KLRG1: variants seen among roughly 807,000 people sequenced by gnomAD.
The protein encoded by KLRG1 is killer cell lectin-like receptor subfamily G member 1.
In KLRG1, 16 loss-of-function variants were observed where a neutral mutation model predicts 21.8. That is an observed-to-expected ratio of 0.73 (90% CI 0.50 to 1.11). The LOEUF is 1.11. Ranked by LOEUF, KLRG1 falls within the 50% of genes most tolerant of loss-of-function variation. KLRG1 has a pLI of 0.00. For missense variants in KLRG1, 173 were observed against 218.3 expected (o/e 0.79, Z 1.31); for synonymous variants, 69 against 75.9 (o/e 0.91, Z 0.47).
At chr12:9,093,634 GAGA>G in the KLRG1 span, 1 of 982,078 alleles carries the variant, frequency 1.0e-6, no homozygotes, top group Non-Finnish European at 1.4e-6. Flanking sequence ...AAGCTTATGA[GAGA>G]ATGTAATAGT....
chr12:8,954,822 G>T (rs764705884), intron 1 of KLRG1, among the ~76,000 whole-genome samples: 2 of 152,298 alleles, frequency 1.3e-5, no homozygotes, highest in South Asian at 4.1e-4. Flanking sequence ...CATACGATGT[G>T]TGAAGCAAGC....
At chr12:9,196,933 G>T in the KLRG1 span, 1 of 1,117,088 alleles carries the variant, frequency 9.0e-7, no homozygotes, top group Non-Finnish European at 1.3e-6. Flanking sequence ...TTGTCCTGAT[G>T]CCCTCTTTCT....
At chr12:9,149,534 T>C in the KLRG1 span, 4,905 of 1,603,300 alleles carry the variant, frequency 3.1e-3, 10 homozygotes, top group Non-Finnish European at 3.7e-3. Flanking sequence ...TGCCATCTAG[T>C]ACTGGTCATA....
the KLRG1 span, chr12:9,153,477 T>C: frequency 1.6e-6 from 1 of 624,688 alleles, no homozygotes; most frequent in Non-Finnish European, 2.8e-6. Flanking sequence ...CTAATTACCT[T>C]TCCTTTTTCT....
the KLRG1 span, chr12:9,095,458 G>A: frequency 1.5e-6 from 2 of 1,347,776 alleles, no homozygotes; most frequent in Non-Finnish European, 2.1e-6. Context: ...AGGACATGAA[G>A]GCATTCAAAT....
chr12:8,979,628 A>G (rs990899961), intron 1 of KLRG1, among the ~76,000 whole-genome samples: 6 of 152,214 alleles, frequency 3.9e-5, no homozygotes, highest in African/African-American at 1.2e-4. Context: ...ATAGTTTTCA[A>G]TTATTACTTT....
the KLRG1 span, among the ~76,000 whole-genome samples, chr12:9,124,297 C>T: frequency 6.6e-6 from 1 of 151,920 alleles, no homozygotes; most frequent in African/African-American, 2.4e-5. Flanking sequence ...GAGCTCCGTC[C>T]CTTCTGAGTT....
the KLRG1 span, chr12:9,194,301 G>A: frequency 1.4e-6 from 2 of 1,480,678 alleles, no homozygotes; most frequent in East Asian, 2.3e-5. Context: ...GAACTCATGT[G>A]AACAAATGCT....
At chr12:9,112,083 C>G in the KLRG1 span, 62 of 1,399,342 alleles carry the variant, frequency 4.4e-5, no homozygotes, top group Non-Finnish European at 5.9e-5. Context: ...TCTCCCTGGT[C>G]TTCCCTCAGC....
chr12:9,072,238 C>A, the KLRG1 span: 1 of 1,142,346 alleles, frequency 8.8e-7, no homozygotes, highest in South Asian at 1.5e-5. Flanking sequence ...TAAGAGAATA[C>A]ATTGCATTTT....
the KLRG1 span, among the ~76,000 whole-genome samples, chr12:9,133,612 G>A: frequency 4.6e-5 from 7 of 152,172 alleles, no homozygotes; most frequent in Non-Finnish European, 1.0e-4. Context: ...CTTATGATAT[G>A]GCATTTAAGC....
the KLRG1 span, chr12:9,168,787 G>A: frequency 9.7e-7 from 1 of 1,034,670 alleles, no homozygotes; most frequent in African/African-American, 1.6e-5. Context: ...TGGAAATAGG[G>A]CTACATTACC....
At chr12:8,969,840 A>G (rs1319680018) in intron 1 of KLRG1, among the ~76,000 whole-genome samples, 1 of 152,166 alleles carries the variant, frequency 6.6e-6, no homozygotes, top group Non-Finnish European at 1.5e-5. Flanking sequence ...AGGGCTGGGC[A>G]TGGTGGGGCT....
the KLRG1 span, among the ~76,000 whole-genome samples, chr12:9,112,841 T>A: frequency 6.6e-6 from 1 of 152,168 alleles, no homozygotes; most frequent in Admixed American, 6.5e-5. Flanking sequence ...TATTACATGC[T>A]AAAAGGGCAT....
chr12:9,046,792 T>C, the KLRG1 span, among the ~76,000 whole-genome samples: 1 of 152,254 alleles, frequency 6.6e-6, no homozygotes, highest in Admixed American at 6.5e-5. Context: ...CTTGGATCTA[T>C]GTAAAGAAAG....
the KLRG1 span, among the ~76,000 whole-genome samples, chr12:9,124,095 G>C: frequency 6.6e-6 from 1 of 152,150 alleles, no homozygotes; most frequent in Non-Finnish European, 1.5e-5. Context: ...GCTGTTCTTG[G>C]AGTTATTTCT....
At chr12:9,149,908 T>C in the KLRG1 span, among the ~76,000 whole-genome samples, 1 of 152,222 alleles carries the variant, frequency 6.6e-6, no homozygotes, top group Admixed American at 6.5e-5. Flanking sequence ...CTATTCACTT[T>C]GTTCAGCTTG....
chr12:9,187,077 C>CAAAA, the KLRG1 span, among the ~76,000 whole-genome samples: 4 of 128,726 alleles, frequency 3.1e-5, 1 homozygote, highest in Non-Finnish European at 3.2e-5. Context: ...CAAGAAAGGT[C>CAAAA]AAAAAAAAAA....
the KLRG1 span, among the ~76,000 whole-genome samples, chr12:9,210,231 C>T: frequency 2.0e-5 from 3 of 152,138 alleles, no homozygotes; most frequent in African/African-American, 7.2e-5. Flanking sequence ...CTCTGCTAGG[C>T]ATTTTACTTT....
Sources: allele counts gnomAD v4.1 joint callset (sites outside exome capture counted in the v4.1 genomes callset), GRCh38; gene constraint gnomAD v4.1.1; transcripts MANE v1.5; gene names NCBI Gene and HGNC (gene_info 2026-07-23, HGNC 2026-07-21).